BMP6: variants seen among roughly 807,000 people sequenced by gnomAD.
BMP6 encodes bone morphogenetic protein 6.
A neutral mutation model predicts 54.1 loss-of-function variants in BMP6; 17 were observed. The observed-to-expected ratio is 0.31, with a 90% CI of 0.22 to 0.47. BMP6 has a LOEUF of 0.47. Ranked by LOEUF, BMP6 falls within the 20% of genes least tolerant of loss-of-function variation. BMP6 has a pLI of 1.00. For synonymous variants in BMP6, 328 were observed against 291.2 expected (o/e 1.13, Z -1.28); for missense variants, 720 against 690.4 (o/e 1.04, Z -0.48).
chr6:7,851,675 C>A (rs921823188), intron 2 of BMP6, among the ~76,000 whole-genome samples: 5 of 152,024 alleles, frequency 3.3e-5, no homozygotes, highest in African/African-American at 1.2e-4. Flanking sequence ...AATATTTCAT[C>A]ATTAAGAATG....
chr6:7,857,018 C>T (rs1759252062), intron 2 of BMP6, among the ~76,000 whole-genome samples: 1 of 152,296 alleles, frequency 6.6e-6, no homozygotes, highest in Admixed American at 6.5e-5. Flanking sequence ...ACCAGGAGCT[C>T]AGGCACCTCC....
chr6:7,775,718 A>C (rs1024951941), intron 1 of BMP6, among the ~76,000 whole-genome samples: 15 of 152,070 alleles, frequency 9.9e-5, no homozygotes, highest in Admixed American at 7.9e-4. Context: ...CCAAGTCAAA[A>C]TTTCTTTTTC....
intron 1 of BMP6, among the ~76,000 whole-genome samples, chr6:7,744,344 C>T (rs1315654939): frequency 1.3e-5 from 2 of 152,004 alleles, no homozygotes; most frequent in South Asian, 2.1e-4. Flanking sequence ...GGTGTGGTGG[C>T]GGGTGCCTGT....
intron 2 of BMP6, among the ~76,000 whole-genome samples, chr6:7,847,326 G>T (rs1759082446): frequency 6.6e-6 from 1 of 152,158 alleles, no homozygotes; most frequent in South Asian, 2.1e-4. Context: ...CTTTTGAAGG[G>T]CTCCAGTTTG....
chr6:7,815,120 T>C (rs1366377119), intron 1 of BMP6, among the ~76,000 whole-genome samples: 12 of 152,224 alleles, frequency 7.9e-5, no homozygotes. Flanking sequence ...CCTTCTCTCA[T>C]GATATGCCCA....
intron 2 of BMP6, among the ~76,000 whole-genome samples, chr6:7,855,553 CTTTTTTTTTTT>C (rs778898901): frequency 6.7e-5 from 7 of 105,042 alleles, no homozygotes; most frequent in Non-Finnish European, 1.1e-4. Flanking sequence ...CTCTCTCTCT[CTTTTTTTTTTT>C]TTTTTTTTTT....
chr6:7,840,956 C>T (rs1258570917), intron 1 of BMP6, among the ~76,000 whole-genome samples: 1 of 152,144 alleles, frequency 6.6e-6, no homozygotes, highest in Non-Finnish European at 1.5e-5. Flanking sequence ...GCCGTCAGTC[C>T]TATCTGTAGA....
Position 7,843,662 on chromosome 6 carries a change from G to A in BMP6, c.665-1478G>A, listed in dbSNP as rs114205799. ...AACGAACAGGAACAGCAAGGCAGAA[G>A]TGTTTCTTGACTCTGGGGAAAAGAG... On this transcript the variant is annotated intron_variant, in intron 1 of 6. Transcript: ENST00000283147. Among the ~76,000 whole-genome samples the A allele has an allele frequency of 7.6e-3, 1,149 of 152,164 alleles. 16 individuals are homozygous for A. Among genetic ancestry groups the A allele is most frequent in the African/African-American group, 0.027 (1,101 of 41,506 alleles).
Position 7,873,926 on chromosome 6 carries a change from G to A in BMP6, c.1205-5148G>A, listed in dbSNP as rs17605954. Among the ~76,000 whole-genome samples, 534 of 152,042 alleles carry A rather than the reference G, an allele frequency of 3.5e-3. 2 individuals are homozygous for A. The highest frequency in any genetic ancestry group is 5.9e-3 in the Non-Finnish European group (402 of 68,002). ...GAGATTTTGGTCCCTAGCACGAGAC[G>A]GTATTTTGGAGGAAGCTTACTTCAC... On this transcript the variant is annotated intron_variant, in intron 4 of 6. Coordinates refer to ENST00000283147, the MANE Select transcript of BMP6 (RefSeq NM_001718.6).
intron 1 of BMP6, among the ~76,000 whole-genome samples, chr6:7,784,401 G>A (rs1032232607): frequency 6.6e-6 from 1 of 151,654 alleles, no homozygotes; most frequent in Non-Finnish European, 1.5e-5. Flanking sequence ...TGCTCGATGG[G>A]TCTGTGTGTA....
intron 1 of BMP6, among the ~76,000 whole-genome samples, chr6:7,731,470 A>T (rs1475417928): frequency 6.6e-6 from 1 of 152,054 alleles, no homozygotes; most frequent in Non-Finnish European, 1.5e-5. Flanking sequence ...TTTCTTGTTA[A>T]ATTTGCTTAC....
chr6:7,841,848 A>G (rs186221428), intron 1 of BMP6, among the ~76,000 whole-genome samples: 2 of 152,324 alleles, frequency 1.3e-5, no homozygotes, highest in Admixed American at 6.5e-5. Flanking sequence ...TGGAAAATCC[A>G]CATATGAGGC....
intron 1 of BMP6, among the ~76,000 whole-genome samples, chr6:7,774,607 C>G (rs559127280): frequency 6.6e-6 from 1 of 151,892 alleles, no homozygotes; most frequent in African/African-American, 2.4e-5. Flanking sequence ...CCTAGCTACT[C>G]GAGAGGTTGA....
chr6:7,880,142 C>T (rs757772931), intron 6 of BMP6, 41 bp downstream of exon 6: 4 of 1,613,946 alleles, frequency 2.5e-6, no homozygotes, highest in Non-Finnish European at 3.4e-6. Context: ...GGGAGTAAGC[C>T]AAGACCAGGT....
chr6:7,752,275 TGG>T (rs1757437501), intron 1 of BMP6, among the ~76,000 whole-genome samples: 1 of 152,206 alleles, frequency 6.6e-6, no homozygotes, highest in Non-Finnish European at 1.5e-5. Flanking sequence ...TAAAACTAGG[TGG>T]CTGGCTCATG....
At chr6:7,810,883 C>G (rs896898128) in intron 1 of BMP6, among the ~76,000 whole-genome samples, 1 of 152,186 alleles carries the variant, frequency 6.6e-6, no homozygotes, top group Admixed American at 6.5e-5. Context: ...CTTAGCTACA[C>G]GATCCTGTGG....
chr6:7,733,077 T>C (rs1761895699), intron 1 of BMP6, among the ~76,000 whole-genome samples: 1 of 151,788 alleles, frequency 6.6e-6, no homozygotes, highest in South Asian at 2.1e-4. Flanking sequence ...ATTTTTTTTT[T>C]GTATTTTTAG....
At chr6:7,781,066 G>A (rs1757935879) in intron 1 of BMP6, among the ~76,000 whole-genome samples, 1 of 152,140 alleles carries the variant, frequency 6.6e-6, no homozygotes. Context: ...ACACAGTACA[G>A]TGCATCGTGT....
intron 1 of BMP6, among the ~76,000 whole-genome samples, chr6:7,801,220 A>G (rs559306735): frequency 6.6e-6 from 1 of 152,312 alleles, no homozygotes; most frequent in African/African-American, 2.4e-5. Context: ...AATCCTCTTA[A>G]AAATTTTCTT....
Sources: allele counts gnomAD v4.1 joint callset (sites outside exome capture counted in the v4.1 genomes callset), GRCh38; gene constraint gnomAD v4.1.1; transcripts MANE v1.5; gene names NCBI Gene and HGNC (gene_info 2026-07-23, HGNC 2026-07-21).